The following GAS7 variants were observed in gnomAD, a reference collection of about 807,000 sequenced individuals.
The protein encoded by GAS7 is growth arrest specific 7.
A neutral mutation model predicts 71.1 loss-of-function variants in GAS7; 28 were observed. The observed-to-expected ratio is 0.39, with a 90% CI of 0.29 to 0.54. The LOEUF is 0.54. GAS7 is among the 20% of genes least tolerant of loss of function. The pLI is 0.62. For missense variants in GAS7, 436 were observed against 627.8 expected, an observed-to-expected ratio of 0.69 and a Z score of 3.27; for synonymous variants, 258 against 245.8, an observed-to-expected ratio of 1.05 and a Z score of -0.46.
chr17:10,110,268 T>C (rs1007158516), intron 1 of GAS7, among the ~76,000 whole-genome samples: 3 of 152,068 alleles, frequency 2.0e-5, no homozygotes, highest in African/African-American at 4.8e-5. Flanking sequence ...AACTGGAGGT[T>C]ATTATGTTAA....
Position 9,940,128 on chromosome 17 carries a change from T to C in GAS7, c.804A>G (p.Glu268=). ...LSQNSLASQE[E]GSLGEAWAQV... ...CCACCTCTCTCCTACCCACTCACCC[T>C]TCCTCCTGTGAAGCCAAGGAGTTCT... is the stretch of plus-strand genomic sequence containing the variant. The change falls in exon 8 of 14, where the codon GAA becomes GAG. Residue 268 remains glutamate (E), a splice_region_variant and synonymous_variant. Coordinates refer to ENST00000432992, the MANE Select transcript of GAS7 (RefSeq NM_201433.2). 2 of 1,570,112 alleles carry C rather than the reference T, an allele frequency of 1.3e-6. No individual in the cohort carries two copies. Among genetic ancestry groups the C allele is most frequent in the Non-Finnish European group, 1.8e-6 (2 of 1,139,868 alleles).
chr17:10,158,247 T>C (rs541502753), intron 1 of GAS7, among the ~76,000 whole-genome samples: 320 of 151,158 alleles, frequency 2.1e-3, no homozygotes, highest in Non-Finnish European at 3.6e-3. Flanking sequence ...TCTCCTGACC[T>C]TGTGATCCAC....
intron 1 of GAS7, among the ~76,000 whole-genome samples, chr17:10,064,829 A>G (rs2073263833): frequency 1.3e-5 from 2 of 152,274 alleles, no homozygotes; most frequent in African/African-American, 4.8e-5. Context: ...TCTGAATCCA[A>G]TTTGAGTGGG....
chr17:10,164,390 C>T (rs1010288021), intron 1 of GAS7, among the ~76,000 whole-genome samples: 4 of 148,152 alleles, frequency 2.7e-5, no homozygotes, highest in African/African-American at 1.0e-4. Context: ...TGCAGTGAGC[C>T]GAGTTCACGC....
intron 2 of GAS7, among the ~76,000 whole-genome samples, chr17:9,995,265 G>T (rs1322088427): frequency 2.0e-5 from 3 of 152,176 alleles, no homozygotes; most frequent in East Asian, 3.8e-4. Flanking sequence ...CTCAGTAATT[G>T]ATAAATGAAG....
chr17:9,943,195 C>A lies in GAS7; in HGVS notation c.657G>T (p.Gly219=). 1 of 1,613,586 alleles carries A rather than the reference C, an allele frequency of 6.2e-7. No individual in the cohort carries two copies. The highest frequency in any genetic ancestry group is 1.1e-5 in the South Asian group (1 of 91,080). The change falls in exon 7 of 14, where the codon GGG becomes GGT. Residue 219 remains glycine (G), a synonymous_variant. Coordinates refer to ENST00000432992, the MANE Select transcript of GAS7 (RefSeq NM_201433.2). The stretch of plus-strand genomic sequence containing the variant: ...GCTGTTTCTGGAGCAGTAGTTCAAA[C>A]CCAGCCACGGTGCCGTTGCCTTGGG... ...KDPQGNGTVA[G]FELLLQKQLK... is the part of the protein sequence containing the mutation.
At chr17:10,179,493 C>T (rs2074398665) in intron 1 of GAS7, among the ~76,000 whole-genome samples, 1 of 136,342 alleles carries the variant, frequency 7.3e-6, no homozygotes, top group Non-Finnish European at 1.6e-5. Flanking sequence ...TAAGATTCCC[C>T]TCCCCTTCAA....
At chr17:9,922,895 CTTTT>C (rs1186297411) in intron 11 of GAS7, among the ~76,000 whole-genome samples, 1 of 152,108 alleles carries the variant, frequency 6.6e-6, no homozygotes, top group African/African-American at 2.4e-5. Flanking sequence ...ATTTCACTGT[CTTTT>C]TTTGTTTGTT....
chr17:10,148,454 CA>C (rs34252972), intron 1 of GAS7, among the ~76,000 whole-genome samples: 196 of 141,842 alleles, frequency 1.4e-3, no homozygotes, highest in South Asian at 2.0e-3. Context: ...ACTAAAATTA[CA>C]AAAAAAAAAA....
At chr17:10,006,360 C>T (rs1428037558) in intron 2 of GAS7, among the ~76,000 whole-genome samples, 1 of 117,904 alleles carries the variant, frequency 8.5e-6, no homozygotes, top group Admixed American at 1.2e-4. Context: ...GACAGAGTCT[C>T]ACTCTGTTGC....
intron 1 of GAS7, among the ~76,000 whole-genome samples, chr17:10,134,761 G>A (rs138082045): frequency 1.2e-4 from 18 of 152,146 alleles, no homozygotes; most frequent in Admixed American, 2.6e-4. Context: ...CCCTGTGACC[G>A]CCGCTGCAGA....
intron 1 of GAS7, among the ~76,000 whole-genome samples, chr17:10,173,259 G>T (rs932964986): frequency 5.3e-5 from 8 of 152,140 alleles, no homozygotes; most frequent in African/African-American, 1.9e-4. Context: ...ACTGGATAAT[G>T]GTGGTGGCTG....
rs1411651753 is a variant in GAS7 at position 9,911,009 on chromosome 17, T to A, written c.*6219A>T. The A allele has an allele frequency of 8.6e-6, 2 of 232,756 alleles. No homozygotes were observed. The highest frequency in any genetic ancestry group is 2.2e-5 in the African/African-American group (1 of 45,276). The allele number at this position is 232,756 out of a possible 1,614,324, so 14.4% of individuals were successfully genotyped here. ...ATTTTGTTAGAAAATTCCACTTTCA[T>A]AGGGTTTGCCGATGTGCTCGTGTCT... is the stretch of plus-strand genomic sequence containing the variant. On this transcript the variant is annotated 3_prime_UTR_variant, in exon 14 of 14. Transcript: ENST00000432992. The surrounding 1 kb of genome is among the most constrained non-coding windows in gnomAD (Gnocchi z 4.0).
chr17:10,190,736 TG>T (rs2074492074), intron 1 of GAS7, among the ~76,000 whole-genome samples: 1 of 151,680 alleles, frequency 6.6e-6, no homozygotes, highest in Admixed American at 6.6e-5. Context: ...AGAGCAGGGG[TG>T]TCCAATCTTT....
At chr17:10,074,231 C>T (rs2073369184) in intron 1 of GAS7, among the ~76,000 whole-genome samples, 1 of 152,190 alleles carries the variant, frequency 6.6e-6, no homozygotes, top group Admixed American at 6.5e-5. Flanking sequence ...CTTTTCTCTG[C>T]TTTTCTTGCT....
At chr17:10,184,605 G>C (rs1340047119) in intron 1 of GAS7, among the ~76,000 whole-genome samples, 1 of 152,178 alleles carries the variant, frequency 6.6e-6, no homozygotes, top group Non-Finnish European at 1.5e-5. Flanking sequence ...CTGGGAGCTG[G>C]CGGGAAATGC....
intron 5 of GAS7, among the ~76,000 whole-genome samples, chr17:9,947,864 T>C (rs1405474618): frequency 1.3e-5 from 2 of 149,802 alleles, no homozygotes; most frequent in African/African-American, 4.9e-5. Flanking sequence ...CAGAGTATTA[T>C]AGTTCCTTTT....
intron 1 of GAS7, among the ~76,000 whole-genome samples, chr17:10,054,362 T>C (rs1382931512): frequency 6.6e-6 from 1 of 152,116 alleles, no homozygotes; most frequent in Non-Finnish European, 1.5e-5. Context: ...CCACTACTTA[T>C]CATCAGCATA....
chr17:9,995,951 G>A (rs949405338), intron 2 of GAS7, among the ~76,000 whole-genome samples: 33 of 152,194 alleles, frequency 2.2e-4, no homozygotes, highest in African/African-American at 7.2e-4. Context: ...AACACACTAC[G>A]TGTACAAAAG....
Sources: gnomAD v4.1 joint callset for allele counts (sites outside exome capture counted in the v4.1 genomes callset) on GRCh38, gnomAD v4.1.1 for gene constraint, Gnocchi (gnomAD v3.1) non-coding constraint, MANE v1.5 for transcripts, NCBI Gene and HGNC (gene_info 2026-07-23, HGNC 2026-07-21) for gene names.